Variants in MEIKIN observed in about 807,000 individuals in gnomAD.
The protein encoded by MEIKIN is meiosis-specific kinetochore protein.
Position 131,827,946 on chromosome 5 carries a change from G to A in MEIKIN, c.976-9083C>T, listed in dbSNP as rs569988318. Among the ~76,000 whole-genome samples, 29 of 151,892 alleles carry A rather than the reference G, an allele frequency of 1.9e-4. 2 individuals are homozygous for A. In the South Asian group the frequency reaches 5.4e-3, roughly 28 times the overall value. On this transcript the variant is annotated intron_variant, in intron 11 of 12. Transcript: ENST00000442687. ...GACTGTGGTCCCAGCTACTCAGGAC[G>A]GCTGAGGTGGGAGGATCACTTGAGC...
At chr5:131,942,207 C>T (rs904475105) in intron 4 of MEIKIN, among the ~76,000 whole-genome samples, 1 of 152,220 alleles carries the variant, frequency 6.6e-6, no homozygotes, top group African/African-American at 2.4e-5. Context: ...CACATATCCT[C>T]CTACTCTCTG....
intron 5 of MEIKIN, among the ~76,000 whole-genome samples, chr5:131,930,436 T>C (rs914460536): frequency 3.9e-5 from 6 of 152,314 alleles, no homozygotes; most frequent in African/African-American, 9.6e-5. Flanking sequence ...ATTCTGTAGG[T>C]TGTCTGTTTA....
intron 9 of MEIKIN, among the ~76,000 whole-genome samples, chr5:131,856,109 GT>G (rs1750188165): frequency 6.6e-6 from 1 of 152,070 alleles, no homozygotes; most frequent in Non-Finnish European, 1.5e-5. Context: ...GAAAATTTTT[GT>G]CAGAAATGTT....
intron 12 of MEIKIN, among the ~76,000 whole-genome samples, chr5:131,811,598 T>C (rs1355624645): frequency 3.2e-5 from 4 of 124,644 alleles, no homozygotes; most frequent in East Asian, 4.8e-4. Flanking sequence ...TGAGCCATCA[T>C]GCCTAGCCAA....
chr5:131,860,367 G>A (rs1474336635), intron 9 of MEIKIN, among the ~76,000 whole-genome samples: 5 of 112,728 alleles, frequency 4.4e-5, no homozygotes, highest in Admixed American at 2.2e-4. Flanking sequence ...AGATATTATT[G>A]GTGTATAGAA....
At chr5:131,808,422 A>G (rs1407271794) in intron 12 of MEIKIN, among the ~76,000 whole-genome samples, 1 of 152,164 alleles carries the variant, frequency 6.6e-6, no homozygotes, top group Non-Finnish European at 1.5e-5. Context: ...GCTTTACAAT[A>G]CTAGAGACCC....
intron 9 of MEIKIN, among the ~76,000 whole-genome samples, chr5:131,858,143 C>T (rs1750227967): frequency 6.6e-6 from 1 of 152,314 alleles, no homozygotes; most frequent in Admixed American, 6.5e-5. Context: ...AAGCTGGGGG[C>T]CTGGTACCAG....
intron 9 of MEIKIN, among the ~76,000 whole-genome samples, chr5:131,877,812 A>G (rs895749602): frequency 1.3e-5 from 2 of 152,232 alleles, no homozygotes; most frequent in Non-Finnish European, 2.9e-5. Flanking sequence ...CCACAGTTTC[A>G]GTTACCTGTG....
chr5:131,843,509 T>C (rs886759724), intron 11 of MEIKIN, among the ~76,000 whole-genome samples: 1 of 152,238 alleles, frequency 6.6e-6, no homozygotes, highest in Non-Finnish European at 1.5e-5. Context: ...CTTGAATGCT[T>C]TGCTTAAAAA....
chr5:131,874,484 T>G (rs1389176091), intron 9 of MEIKIN, among the ~76,000 whole-genome samples: 2 of 152,204 alleles, frequency 1.3e-5, no homozygotes, highest in Non-Finnish European at 2.9e-5. Context: ...TAACAGGCTC[T>G]GAAATTGAGG....
At chr5:131,838,777 T>A (rs76279369) in intron 11 of MEIKIN, among the ~76,000 whole-genome samples, 1 of 152,002 alleles carries the variant, frequency 6.6e-6, no homozygotes, top group South Asian at 2.1e-4. Flanking sequence ...AGTCTATGCA[T>A]TGTATTTTTT....
intron 9 of MEIKIN, among the ~76,000 whole-genome samples, chr5:131,872,082 T>G (rs1186306028): frequency 3.3e-5 from 5 of 152,018 alleles, no homozygotes; most frequent in Non-Finnish European, 7.4e-5. Flanking sequence ...ACTCTAAAAA[T>G]CAGAGCACCT....
At chr5:131,856,184 C>T (rs568575535) in intron 9 of MEIKIN, among the ~76,000 whole-genome samples, 5 of 152,248 alleles carry the variant, frequency 3.3e-5, no homozygotes, top group African/African-American at 7.2e-5. Context: ...ATTTAGTTTT[C>T]GCATTTCAAC....
chr5:131,938,221 C>T (rs1017329700), intron 4 of MEIKIN, among the ~76,000 whole-genome samples: 87 of 137,664 alleles, frequency 6.3e-4, no homozygotes, highest in Non-Finnish European at 6.8e-4. Flanking sequence ...GGCTAGAGTG[C>T]TATGGTATGA....
intron 11 of MEIKIN, among the ~76,000 whole-genome samples, chr5:131,845,719 A>G (rs1371845131): frequency 5.9e-5 from 9 of 152,148 alleles, no homozygotes; most frequent in African/African-American, 2.2e-4. Context: ...ACTTGAAAAT[A>G]GGACAATGAA....
At chr5:131,835,198 G>GTGTTTATATATATGTGTA (rs1458270741) in intron 11 of MEIKIN, among the ~76,000 whole-genome samples, 1 of 150,048 alleles carries the variant, frequency 6.7e-6, no homozygotes, top group African/African-American at 2.5e-5. Flanking sequence ...ATGTGTGTGT[G>GTGTTTATATATATGTGTA]TATATATATG....
At chr5:131,894,480 T>C (rs1276404191) in intron 8 of MEIKIN, among the ~76,000 whole-genome samples, 1 of 152,218 alleles carries the variant, frequency 6.6e-6, no homozygotes, top group Non-Finnish European at 1.5e-5. Context: ...ATCTATAAAT[T>C]ACCTTGGGCA....
intron 9 of MEIKIN, among the ~76,000 whole-genome samples, chr5:131,868,680 C>G (rs1750432418): frequency 6.6e-6 from 1 of 150,686 alleles, no homozygotes; most frequent in Non-Finnish European, 1.5e-5. Context: ...TCATGCGATC[C>G]TCCCATCTCA....
At chr5:131,899,304 T>A (rs1207040764) in intron 8 of MEIKIN, among the ~76,000 whole-genome samples, 3 of 152,026 alleles carry the variant, frequency 2.0e-5, no homozygotes, top group Non-Finnish European at 4.4e-5. Context: ...TTTACAAGCC[T>A]CATAGTAACC....
Sources: allele counts gnomAD v4.1 joint callset (sites outside exome capture counted in the v4.1 genomes callset), GRCh38; gene constraint gnomAD v4.1.1; transcripts MANE v1.5; gene names NCBI Gene and HGNC (gene_info 2026-07-23, HGNC 2026-07-21).